Variants in GPSM2 observed in about 807,000 individuals in gnomAD.
GPSM2 encodes the protein G protein signaling modulator 2, also known as G protein-signaling modulator 2.
A neutral mutation model predicts 78.4 loss-of-function variants in GPSM2; 58 were observed. The ratio of observed to expected loss-of-function variants is 0.74; its 90% CI spans 0.60 to 0.92. The LOEUF (loss-of-function observed/expected upper bound fraction) is 0.92, where lower values mean the gene tolerates loss of function less well. Among genes scored for constraint, GPSM2 ranks in the 40% least tolerant of loss-of-function variants. GPSM2 has a pLI of 0.00. For synonymous variants in GPSM2, 224 were observed against 280.2 expected (o/e 0.80, Z 2.00); for missense variants, 700 against 815.5 (o/e 0.86, Z 1.73).
Position 108,931,379 on chromosome 1 carries a change from TG to T in GPSM2, c.*1442del. 1 of 1,551,130 alleles carries T rather than the reference TG, an allele frequency of 6.4e-7. No individual in the cohort carries two copies. The highest frequency in any genetic ancestry group is 8.7e-7 in the Non-Finnish European group (1 of 1,147,100). On this transcript the variant is annotated 3_prime_UTR_variant, in exon 15 of 15. Coordinates refer to ENST00000264126, the MANE Select transcript of GPSM2 (RefSeq NM_013296.5). ...AACTAACTGTAGCAAAAGACAAGTA[TG>T]GGACAGACTGGGACCTGGAGTAACA...
chr1:108,891,100 A>G (rs1029679379), intron 2 of GPSM2, among the ~76,000 whole-genome samples: 18 of 152,316 alleles, frequency 1.2e-4, no homozygotes, highest in Middle Eastern at 3.4e-3. Flanking sequence ...TTGATTATAT[A>G]TGTGTAATTA....
Position 108,931,299 on chromosome 1 carries a change from C to A in GPSM2, c.*1359C>A. On this transcript the variant is annotated 3_prime_UTR_variant, in exon 15 of 15. Transcript: ENST00000264126. ...AACCTTAGTTGTCATTAAGCTTTGT[C>A]TTCCTTATCCCAGATATTGAAGGCA... The A allele has an allele frequency of 6.5e-7, 1 of 1,531,354 alleles. No homozygotes were observed. Among genetic ancestry groups the A allele is most frequent in the South Asian group, 1.2e-5 (1 of 81,460 alleles). 94.9% of individuals were successfully genotyped at this position (1,531,354 alleles called of 1,614,324 possible).
intron 6 of GPSM2, 36 bp from the exon 7 acceptor site, chr1:108,898,838 GTTTTA>G (rs770632798): frequency 1.2e-6 from 2 of 1,600,306 alleles, no homozygotes; most frequent in Non-Finnish European, 1.7e-6. Flanking sequence ...TCATTCTTCA[GTTTTA>G]TTTTATCTAC....
chr1:108,899,497 T>C (rs1648633885), intron 7 of GPSM2, among the ~76,000 whole-genome samples: 1 of 152,336 alleles, frequency 6.6e-6, no homozygotes, highest in East Asian at 1.9e-4. Flanking sequence ...GTTCTCCCTT[T>C]ACCCTCTTTC....
chr1:108,914,328 T>A lies in GPSM2; in HGVS notation c.1193-10T>A. On this transcript the variant is annotated splice_polypyrimidine_tract_variant and intron_variant, in intron 10 of 14. Transcript: ENST00000264126. ...CCTGGTTTATTTGAATTAATTTTTT[T>A]TAAACAAAGGTGTACGCCCCAAGTT... is the stretch of plus-strand genomic sequence containing the variant. 1 of 1,596,412 alleles carries A rather than the reference T, an allele frequency of 6.3e-7. No individual in the cohort carries two copies. The highest frequency in any genetic ancestry group is 8.6e-7 in the Non-Finnish European group (1 of 1,164,022).
At chr1:108,887,669 A>C in intron 2 of GPSM2, among the ~76,000 whole-genome samples, 1 of 152,110 alleles carries the variant, frequency 6.6e-6, no homozygotes, top group East Asian at 1.9e-4. Context: ...TTGCATACAG[A>C]CCTTCCTATT....
rs576790937 is a variant in GPSM2, at chr1:108,907,372, TC to T, written c.1192+3120del. Among the ~76,000 whole-genome samples, 761 of 152,328 alleles carry T rather than the reference TC, an allele frequency of 5.0e-3. 7 individuals carry two copies. Among genetic ancestry groups the T allele is most frequent in the South Asian group, 0.022 (107 of 4,826 alleles). ...TAAAGCACTTTTGGGTTAGAGGTGT[TC>T]CTAGAGACTTAGCAGAAGTAAGACC... On this transcript the variant is annotated intron_variant, in intron 10 of 14. Transcript: ENST00000264126.
Position 108,904,246 on chromosome 1 carries a change from G to A in GPSM2, c.1184G>A (p.Ser395Asn), listed in dbSNP as rs771572489. 19 of 1,592,188 alleles carry A rather than the reference G, an allele frequency of 1.2e-5. No individual in the cohort carries two copies. The South Asian group carries it at 2.0e-4, about 17-fold the overall frequency. Residue 395 changes from serine to asparagine, a missense_variant, in exon 10 of 15, where the codon AGT becomes AAT. Transcript: ENST00000264126. ...TCTGAAAATACTGAAATTGATAGCAGTTTGAATGGTAAGTAATAGGACTTT... is the reference window on the plus strand; with the variant it reads ...TCTGAAAATACTGAAATTGATAGCAATTTGAATGGTAAGTAATAGGACTTT... ...IMSENTEIDS[S>N]LNGVRPKLGR...
At chr1:108,922,727 C>A (rs1007332943) in intron 13 of GPSM2, 151 bp downstream of exon 13, 2 of 777,898 alleles carry the variant, frequency 2.6e-6, no homozygotes, top group Non-Finnish European at 4.5e-6. Context: ...ACAGTTCAAA[C>A]AAGGTTTTTT....
chr1:108,921,810 G>A (rs1410946584), intron 12 of GPSM2, among the ~76,000 whole-genome samples: 2 of 151,898 alleles, frequency 1.3e-5, no homozygotes, highest in East Asian at 3.9e-4. Flanking sequence ...TCCTCCTCAG[G>A]CCCGTAACAT....
Position 108,929,838 on chromosome 1 carries a change from A to G in GPSM2, c.1953A>G (p.Gln651=). 1 of 1,614,080 alleles carries G rather than the reference A, an allele frequency of 6.2e-7. No homozygotes were observed. The highest frequency in any genetic ancestry group is 8.5e-7 in the Non-Finnish European group (1 of 1,179,948). Residue 651 remains glutamine, a synonymous_variant, in exon 15 of 15, where the codon CAA becomes CAG. Transcript: ENST00000264126. The part of the protein sequence containing the change: ...KRMDEQRVLL[Q]RDQNRDTDFG... ...TGGATGAACAGAGAGTTCTTTTACA[A>G]AGAGATCAAAACAGAGACACTGACT...
At chr1:108,894,140 T>C (rs1648181624) in intron 2 of GPSM2, among the ~76,000 whole-genome samples, 1 of 152,222 alleles carries the variant, frequency 6.6e-6, no homozygotes, top group South Asian at 2.1e-4. Context: ...TAAACAGATA[T>C]ACTCAATTTT....
At chr1:108,888,554 G>A (rs1647744917) in intron 2 of GPSM2, among the ~76,000 whole-genome samples, 1 of 152,110 alleles carries the variant, frequency 6.6e-6, no homozygotes, top group Non-Finnish European at 1.5e-5. Flanking sequence ...TGCCTAGGCT[G>A]GTCTCGAACT....
Position 108,925,476 on chromosome 1 carries a change from T to A in GPSM2, c.1815+1262T>A, listed in dbSNP as rs149868881. Among the ~76,000 whole-genome samples the A allele has an allele frequency of 8.6e-3, 1,289 of 149,812 alleles. 5 individuals carry two copies. Among genetic ancestry groups the A allele is most frequent in the Middle Eastern group, 0.031 (9 of 292 alleles). ...AATCTACTGGTTAGATGGAGGAAGA[T>A]GAGCTGGCAAAGAAGCAACAGCCAG... On this transcript the variant is annotated intron_variant, in intron 14 of 14. Coordinates refer to ENST00000264126, the MANE Select transcript of GPSM2 (RefSeq NM_013296.5).
At chr1:108,878,353 T>C (rs1665733286) in intron 1 of GPSM2, among the ~76,000 whole-genome samples, 1 of 152,066 alleles carries the variant, frequency 6.6e-6, no homozygotes, top group South Asian at 2.1e-4. Context: ...TCCCAGGCTA[T>C]TACTTATAAT....
chr1:108,910,364 CTAAT>C (rs1649634878), intron 10 of GPSM2, among the ~76,000 whole-genome samples: 1 of 151,558 alleles, frequency 6.6e-6, no homozygotes, highest in South Asian at 2.1e-4. Context: ...CTTAAGAAAA[CTAAT>C]TATAATACCT....
intron 7 of GPSM2, among the ~76,000 whole-genome samples, chr1:108,901,056 T>C (rs1194774434): frequency 1.3e-5 from 2 of 152,222 alleles, no homozygotes; most frequent in Non-Finnish European, 2.9e-5. Flanking sequence ...CTAAGCACTT[T>C]ATACATATTA....
At chr1:108,907,034 C>T (rs1385625967) in intron 10 of GPSM2, among the ~76,000 whole-genome samples, 6 of 152,140 alleles carry the variant, frequency 3.9e-5, no homozygotes, top group African/African-American at 1.4e-4. Context: ...GAACGGAATC[C>T]TCAGTCCTCA....
chr1:108,914,274 T>C (rs1429825950), intron 10 of GPSM2, 64 bp from the exon 11 acceptor site: 1 of 1,052,138 alleles, frequency 9.5e-7, no homozygotes, highest in Non-Finnish European at 1.5e-6. Context: ...AATAATGTAA[T>C]GATGCTGAAC....
Sources: allele counts gnomAD v4.1 joint callset (sites outside exome capture counted in the v4.1 genomes callset), GRCh38; gene constraint gnomAD v4.1.1; transcripts MANE v1.5; gene names NCBI Gene and HGNC (gene_info 2026-07-23, HGNC 2026-07-21).